AP4E1: variants seen among roughly 807,000 people sequenced by gnomAD.
AP4E1 encodes the protein AP-4 complex subunit epsilon-1.
AP4E1 carries 56 observed loss-of-function variants against 128.2 expected under a neutral mutation model. That is an observed-to-expected ratio of 0.44 (90% CI 0.35 to 0.55). The LOEUF is 0.55. Ranked by LOEUF, AP4E1 falls within the 20% of genes least tolerant of loss-of-function variation. The probability of loss-of-function intolerance (pLI) is 0.00; values close to 1 mark genes in which losing one functional copy is unlikely to be tolerated. For synonymous variants in AP4E1, 484 were observed against 473.1 expected, an observed-to-expected ratio of 1.02 and a Z score of -0.30; for missense variants, 1,324 against 1,307.7, an observed-to-expected ratio of 1.01 and a Z score of -0.19.
intron 8 of AP4E1, among the ~76,000 whole-genome samples, chr15:50,938,146 C>T (rs2063933105): frequency 6.6e-6 from 1 of 151,834 alleles, no homozygotes; most frequent in Non-Finnish European, 1.5e-5. Flanking sequence ...CCTCAGGACA[C>T]AAGGAAAGAA....
intron 7 of AP4E1, among the ~76,000 whole-genome samples, chr15:50,932,243 T>C (rs1026098885): frequency 1.3e-5 from 2 of 152,104 alleles, no homozygotes; most frequent in Non-Finnish European, 2.9e-5. Flanking sequence ...CCTCCTAAAG[T>C]GCTGGGATGA....
At chr15:50,979,454 G>T (rs1162290908) in intron 15 of AP4E1, among the ~76,000 whole-genome samples, 1 of 152,156 alleles carries the variant, frequency 6.6e-6, no homozygotes, top group African/African-American at 2.4e-5. Context: ...TAGCATGAAG[G>T]CCCTTGCCAA....
chr15:50,941,881 G>A (rs1000988261), intron 10 of AP4E1, 106 bp downstream of exon 10: 34 of 803,822 alleles, frequency 4.2e-5, no homozygotes, highest in South Asian at 3.8e-4. Flanking sequence ...ATGTTTGCTC[G>A]TGTGTATATT....
intron 14 of AP4E1, among the ~76,000 whole-genome samples, chr15:50,959,658 A>G (rs1336365057): frequency 2.0e-5 from 3 of 152,208 alleles, no homozygotes; most frequent in Non-Finnish European, 4.4e-5. Context: ...CAAATGAGAA[A>G]CAGAAAGGAA....
At position 50,948,019 on chromosome 15, in the gene AP4E1, G is replaced by C; in HGVS notation, c.1177-1G>C. 6.3e-7 allele frequency: 1 copy of C among 1,590,566 alleles called. No homozygotes were observed. Among genetic ancestry groups the C allele is most frequent in the Non-Finnish European group, 8.6e-7 (1 of 1,159,896 alleles). Reference sequence around the variant, plus strand: ...GTTTTTAATTTTTCTTCTTTAAATAGACTCTGGAACTTCTTTACAGAATTA... The same window carrying C: ...GTTTTTAATTTTTCTTCTTTAAATACACTCTGGAACTTCTTTACAGAATTA... On this transcript the variant is annotated splice_acceptor_variant, in intron 10 of 20. Transcript: ENST00000261842. LOFTEE classifies it high-confidence loss of function.
chr15:50,939,322 A>T (rs1297131641), intron 8 of AP4E1, among the ~76,000 whole-genome samples: 1 of 152,148 alleles, frequency 6.6e-6, no homozygotes, highest in Non-Finnish European at 1.5e-5. Flanking sequence ...AAAATACAAA[A>T]ATTAGCTGGC....
chr15:50,961,507 A>G (rs952905561), intron 14 of AP4E1, among the ~76,000 whole-genome samples: 1 of 152,122 alleles, frequency 6.6e-6, no homozygotes, highest in African/African-American at 2.4e-5. Context: ...GACAAAAACC[A>G]TATGATCATC....
At chr15:50,951,247 G>A (rs1295477839) in intron 13 of AP4E1, among the ~76,000 whole-genome samples, 2 of 152,142 alleles carry the variant, frequency 1.3e-5, no homozygotes, top group Non-Finnish European at 2.9e-5. Flanking sequence ...ATCCACTTTC[G>A]AGCTCGTGTG....
At chr15:50,944,640 C>T (rs7176496) in intron 10 of AP4E1, 75,999 of 324,114 alleles carry the variant, frequency 0.23, 9,760 homozygotes, top group East Asian at 0.4. Context: ...CTCGTGGAGT[C>T]CGGCCAGAAG....
In AP4E1 at chr15:51,003,922, A is replaced by G. The variant is rs1008201640; in HGVS notation, c.*1260A>G. 6.6e-6 allele frequency: 1 copy of G among 152,558 alleles called. No individual in the cohort carries two copies. Among genetic ancestry groups the G allele is most frequent in the African/African-American group, 2.4e-5 (1 of 41,460 alleles). 9.5% of individuals were successfully genotyped at this position (152,558 alleles called of 1,614,324 possible). On this transcript the variant is annotated 3_prime_UTR_variant, in exon 21 of 21. Transcript: ENST00000261842. ...TAGGTTATCTCATTAATCATGGCTG[A>G]TAAAGAAGCTAAGGGGATTCTCCAG...
At chr15:50,981,039 A>G (rs1241966650) in intron 15 of AP4E1, among the ~76,000 whole-genome samples, 1 of 152,202 alleles carries the variant, frequency 6.6e-6, no homozygotes, top group Non-Finnish European at 1.5e-5. Flanking sequence ...GATCAGAGGC[A>G]TCACAGAGAG....
intron 13 of AP4E1, among the ~76,000 whole-genome samples, chr15:50,954,130 A>G (rs1456569181): frequency 1.3e-5 from 2 of 152,210 alleles, no homozygotes; most frequent in Non-Finnish European, 2.9e-5. Context: ...AACTAACTTA[A>G]TAGTTCTAGG....
intron 15 of AP4E1, among the ~76,000 whole-genome samples, chr15:50,976,333 C>T (rs1287260800): frequency 6.6e-6 from 1 of 152,122 alleles, no homozygotes; most frequent in Non-Finnish European, 1.5e-5. Context: ...AATACCCTTT[C>T]ATGATTAAAA....
At chr15:50,936,419 C>G (rs553176239) in intron 8 of AP4E1, among the ~76,000 whole-genome samples, 1 of 150,830 alleles carries the variant, frequency 6.6e-6, no homozygotes, top group South Asian at 2.1e-4. Flanking sequence ...GACATTTCAG[C>G]TTTAATTTTT....
At chr15:50,938,899 C>T (rs947617577) in intron 8 of AP4E1, among the ~76,000 whole-genome samples, 3 of 152,170 alleles carry the variant, frequency 2.0e-5, no homozygotes, top group Non-Finnish European at 4.4e-5. Flanking sequence ...TACCTCCTCT[C>T]TCCTGCCAGA....
intron 8 of AP4E1, 33 bp downstream of exon 8, chr15:50,934,730 C>CT: frequency 7.1e-7 from 1 of 1,414,446 alleles, no homozygotes; most frequent in Non-Finnish European, 1.0e-6. Flanking sequence ...ACTCTAATGA[C>CT]TAATAATGTT....
chr15:50,995,885 CAA>C (rs773763666), intron 17 of AP4E1, among the ~76,000 whole-genome samples: 4 of 105,766 alleles, frequency 3.8e-5, no homozygotes, highest in African/African-American at 3.5e-5. Flanking sequence ...AAACATAGAC[CAA>C]AAAAAAAAAA....
intron 8 of AP4E1, among the ~76,000 whole-genome samples, chr15:50,938,854 G>T (rs1189022377): frequency 1.3e-5 from 2 of 152,140 alleles, no homozygotes; most frequent in Non-Finnish European, 2.9e-5. Flanking sequence ...AAAGGAGACA[G>T]AGTAGAGAGC....
chr15:50,980,560 T>C (rs988309331), intron 15 of AP4E1, among the ~76,000 whole-genome samples: 2 of 152,216 alleles, frequency 1.3e-5, no homozygotes, highest in African/African-American at 4.8e-5. Context: ...AGTGACTGTC[T>C]GCTAAGGCGG....
Sources: allele counts gnomAD v4.1 joint callset (sites outside exome capture counted in the v4.1 genomes callset), GRCh38; gene constraint gnomAD v4.1.1; transcripts MANE v1.5; gene names NCBI Gene and HGNC (gene_info 2026-07-23, HGNC 2026-07-21).